The following LRRIQ1 variants were observed in gnomAD, a reference collection of about 807,000 sequenced individuals.
LRRIQ1 encodes the protein leucine-rich repeat- and IQ domain-containing protein 1.
LRRIQ1 carries 210 observed loss-of-function variants against 211.9 expected under a neutral mutation model. The ratio of observed to expected loss-of-function variants is 0.99; its 90% CI spans 0.89 to 1.11. The LOEUF (loss-of-function observed/expected upper bound fraction) is 1.11, where lower values mean the gene tolerates loss of function less well. LRRIQ1 is among the 50% of genes most tolerant of loss of function. The pLI, the probability that LRRIQ1 is intolerant of heterozygous loss-of-function variation, is 0.00. For synonymous variants in LRRIQ1, 699 were observed against 650.1 expected (o/e 1.08, Z -1.14); for missense variants, 2,136 against 1,939.5 (o/e 1.10, Z -1.90).
At chr12:85,118,903 C>T (rs971152188) in intron 15 of LRRIQ1, among the ~76,000 whole-genome samples, 1 of 151,894 alleles carries the variant, frequency 6.6e-6, no homozygotes, top group Non-Finnish European at 1.5e-5. Context: ...CAAAACTGAG[C>T]AGAAAGTACA....
chr12:85,060,444 C>CA (rs967020392), intron 8 of LRRIQ1, among the ~76,000 whole-genome samples: 2 of 151,702 alleles, frequency 1.3e-5, no homozygotes, highest in African/African-American at 4.8e-5. Context: ...ATAACCACCA[C>CA]AAAAAAGGGC....
intron 26 of LRRIQ1, among the ~76,000 whole-genome samples, chr12:85,238,533 T>G (rs1168293893): frequency 6.6e-6 from 1 of 152,088 alleles, no homozygotes; most frequent in Non-Finnish European, 1.5e-5. Context: ...TGGTTCACTA[T>G]CGATCACAAA....
At chr12:85,171,233 A>G (rs975747852) in intron 24 of LRRIQ1, among the ~76,000 whole-genome samples, 2 of 152,290 alleles carry the variant, frequency 1.3e-5, no homozygotes, top group Non-Finnish European at 1.5e-5. Flanking sequence ...TAAAAATTCA[A>G]TGGATGGATT....
At chr12:85,122,371 T>TG (rs1888048711) in intron 16 of LRRIQ1, among the ~76,000 whole-genome samples, 2 of 152,156 alleles carry the variant, frequency 1.3e-5, no homozygotes, top group African/African-American at 4.8e-5. Context: ...AGTCAGCACT[T>TG]GCACCCATTT....
intron 11 of LRRIQ1, among the ~76,000 whole-genome samples, chr12:85,090,858 G>A (rs962018947): frequency 6.6e-6 from 1 of 152,092 alleles, no homozygotes; most frequent in Non-Finnish European, 1.5e-5. Flanking sequence ...ATGATATTTG[G>A]GAGGGGGCAG....
chr12:85,172,279 G>A (rs1026183952), intron 24 of LRRIQ1, among the ~76,000 whole-genome samples: 1 of 152,072 alleles, frequency 6.6e-6, no homozygotes, highest in Non-Finnish European at 1.5e-5. Flanking sequence ...AGGACACTCT[G>A]TATTTCTGGA....
At chr12:85,251,042 A>G (rs1419191389) in intron 1 of LRRIQ1, among the ~76,000 whole-genome samples, 1 of 134,890 alleles carries the variant, frequency 7.4e-6, no homozygotes, top group Non-Finnish European at 1.5e-5. Context: ...GAATATAATA[A>G]TTTTCATATA....
intron 11 of LRRIQ1, among the ~76,000 whole-genome samples, chr12:85,096,453 G>A (rs1050346201): frequency 2.0e-5 from 3 of 152,088 alleles, no homozygotes; most frequent in Admixed American, 6.6e-5. Flanking sequence ...TGATTTCCCT[G>A]TAGTTGTGTG....
intron 24 of LRRIQ1, among the ~76,000 whole-genome samples, chr12:85,204,547 G>A (rs535526790): frequency 6.0e-4 from 91 of 152,308 alleles, no homozygotes; most frequent in Admixed American, 1.6e-3. Flanking sequence ...AGCTGCCCAC[G>A]ACCATGGGCA....
At chr12:85,078,013 C>CA (rs146035097) in intron 11 of LRRIQ1, among the ~76,000 whole-genome samples, 3,732 of 151,518 alleles carry the variant, frequency 0.025, 159 homozygotes, top group East Asian at 0.2. Flanking sequence ...TGATTAAAGA[C>CA]AAAGGGTAGC....
rs111823266 is a variant in LRRIQ1, at chr12:85,162,988, C to T, written c.4822+2274C>T. Among the ~76,000 whole-genome samples the T allele has an allele frequency of 7.9e-5, 12 of 152,148 alleles. 1 individual carries two copies. Among genetic ancestry groups the T allele is most frequent in the Admixed American group, 2.0e-4 (3 of 15,278 alleles). ...CCTCTTTTTAAGGGGAAAACAGTGA[C>T]GAAAAGTGAGGCAAAATCATTTGTT... On this transcript the variant is annotated intron_variant, in intron 24 of 26. Coordinates refer to ENST00000393217, the MANE Select transcript of LRRIQ1 (RefSeq NM_001079910.2).
At chr12:85,162,691 T>C in intron 24 of LRRIQ1, 2 of 448,230 alleles carry the variant, frequency 4.5e-6, no homozygotes, top group Non-Finnish European at 8.9e-6. Flanking sequence ...CAAAGTGGCC[T>C]ATAGAATATA....
Position 85,125,009 on chromosome 12 carries a change from T to C in LRRIQ1, c.4007+490T>C, listed in dbSNP as rs574808824. Among the ~76,000 whole-genome samples, 733 of 152,144 alleles carry C rather than the reference T, an allele frequency of 4.8e-3. 4 individuals are homozygous for C. Among genetic ancestry groups the C allele is most frequent in the Non-Finnish European group, 7.7e-3 (525 of 67,990 alleles). On this transcript the variant is annotated intron_variant, in intron 17 of 26. Coordinates refer to ENST00000393217, the MANE Select transcript of LRRIQ1 (RefSeq NM_001079910.2). Reference sequence around the variant, plus strand: ...CTGGCTAACACGGTGAAACCCCGTCTCTACTAAAAAATACAAAAAATTAGC... The same window carrying C: ...CTGGCTAACACGGTGAAACCCCGTCCCTACTAAAAAATACAAAAAATTAGC...
At chr12:85,120,644 G>A (rs1224394387) in intron 15 of LRRIQ1, among the ~76,000 whole-genome samples, 1 of 152,170 alleles carries the variant, frequency 6.6e-6, no homozygotes, top group Non-Finnish European at 1.5e-5. Context: ...ACAATATTGA[G>A]TCTTCCTATC....
At chr12:85,198,092 TATATA>T (rs1337930613) in intron 24 of LRRIQ1, among the ~76,000 whole-genome samples, 7 of 113,378 alleles carry the variant, frequency 6.2e-5, no homozygotes, top group Non-Finnish European at 1.2e-4. Context: ...TTTATTATAT[TATATA>T]TTATATTATT....
rs367720561 is a variant in LRRIQ1 at position 85,055,551 on chromosome 12, A to G, written c.758A>G (p.Tyr253Cys). 3.0e-5 allele frequency: 46 copies of G among 1,520,280 alleles called. No individual in the cohort carries two copies. The highest frequency in any genetic ancestry group is 3.8e-5 in the Non-Finnish European group (43 of 1,139,930). 94.2% of individuals were successfully genotyped at this position (1,520,280 alleles called of 1,614,324 possible). The change falls in exon 8 of 27, where the codon TAT becomes TGT. Residue 253 changes from tyrosine to cysteine, a missense_variant. By Grantham distance (194) the Tyr-to-Cys change is radical. Transcript: ENST00000393217. ...WKEKFKQHEEYIRNLHLQMEE... is the reference protein window; with the variant it reads ...WKEKFKQHEECIRNLHLQMEE... ...ATGTATCTTACTTTGTTTTAGGAGT[A>G]TATTAGAAACTTGCATTTACAAATG... is the stretch of plus-strand genomic sequence containing the variant.
intron 24 of LRRIQ1, among the ~76,000 whole-genome samples, chr12:85,193,041 T>A (rs1301259995): frequency 4.6e-5 from 5 of 107,946 alleles, no homozygotes; most frequent in African/African-American, 1.8e-4. Flanking sequence ...ATATTATATT[T>A]ATAATAAATA....
At chr12:85,131,068 T>G (rs1282905158) in intron 18 of LRRIQ1, among the ~76,000 whole-genome samples, 6 of 147,534 alleles carry the variant, frequency 4.1e-5, no homozygotes, top group Non-Finnish European at 7.5e-5. Flanking sequence ...AAAAAAAAAT[T>G]AGCCAGGCAT....
At chr12:85,226,151 G>GTTA (rs1894641275) in intron 24 of LRRIQ1, among the ~76,000 whole-genome samples, 1 of 152,176 alleles carries the variant, frequency 6.6e-6, no homozygotes, top group South Asian at 2.1e-4. Flanking sequence ...TTTATGAAGT[G>GTTA]TTATTGTAGA....
Sources: allele counts gnomAD v4.1 joint callset (sites outside exome capture counted in the v4.1 genomes callset), GRCh38; gene constraint gnomAD v4.1.1; transcripts MANE v1.5; gene names NCBI Gene and HGNC (gene_info 2026-07-23, HGNC 2026-07-21).